Variants in ZFYVE21 observed in about 807,000 individuals in gnomAD.
ZFYVE21 encodes the protein zinc finger FYVE domain-containing protein 21.
In ZFYVE21, 21 loss-of-function variants were observed where a neutral mutation model predicts 29.5. The observed-to-expected ratio is 0.71, with a 90% CI of 0.50 to 1.02. ZFYVE21 has a LOEUF of 1.02. Among genes scored for constraint, ZFYVE21 ranks in the 50% least tolerant of loss-of-function variants. ZFYVE21 has a pLI of 0.00. For synonymous variants in ZFYVE21, 151 were observed against 133.8 expected (o/e 1.13, Z -0.89); for missense variants, 326 against 335.4 (o/e 0.97, Z 0.22).
chr14:103,729,533 A>T, intron 5 of ZFYVE21: 1 of 585,584 alleles, frequency 1.7e-6, no homozygotes, highest in Non-Finnish European at 3.0e-6. Flanking sequence ...AAAGGTCTGA[A>T]TGGTGGCTCA....
At position 103,727,836 on chromosome 14, in the gene ZFYVE21, C is replaced by A. The variant is rs2083942512; in HGVS notation, c.280C>A (p.Arg94=). The change falls in exon 3 of 7, where the codon CGG becomes AGG. Residue 94 remains arginine, a synonymous_variant. Transcript: ENST00000311141. ...LRRMCFVDPV[R]QCAECALVSL... is the part of the protein sequence containing the mutation. Reference sequence around the variant, plus strand: ...GCGCATGTGCTTTGTGGACCCCGTGCGGCAGTGCGCGGAGTGCGCCCTCGT... The same window carrying A: ...GCGCATGTGCTTTGTGGACCCCGTGAGGCAGTGCGCGGAGTGCGCCCTCGT... 1 of 1,613,150 alleles carries A rather than the reference C, an allele frequency of 6.2e-7. No individual in the cohort carries two copies. The highest frequency in any genetic ancestry group is 1.7e-5 in the Admixed American group (1 of 60,020).
At chr14:103,730,533 C>G (rs1595693008) in intron 5 of ZFYVE21, 1 of 152,682 alleles carries the variant, frequency 6.5e-6, no homozygotes, top group Admixed American at 6.5e-5. Flanking sequence ...ACACAGCCTC[C>G]CGGACTGCTC....
intron 1 of ZFYVE21, among the ~76,000 whole-genome samples, chr14:103,721,369 C>T (rs1049691752): frequency 6.6e-6 from 1 of 152,244 alleles, no homozygotes; most frequent in African/African-American, 2.4e-5. Context: ...TCCTCGCTCC[C>T]TCTTGGCCCC....
At chr14:103,730,789 T>G (rs1037837600) in intron 5 of ZFYVE21, 1 of 152,296 alleles carries the variant, frequency 6.6e-6, no homozygotes, top group Non-Finnish European at 1.5e-5. Flanking sequence ...TAGTAAACCT[T>G]TGCCAGCCAC....
At chr14:103,722,960 T>C (rs2083886547) in intron 1 of ZFYVE21, among the ~76,000 whole-genome samples, 1 of 152,208 alleles carries the variant, frequency 6.6e-6, no homozygotes, top group Non-Finnish European at 1.5e-5. Flanking sequence ...TGTGGTGTTA[T>C]ATTTAGAAAT....
chr14:103,731,909 A>G (rs376171014), intron 5 of ZFYVE21: 23 of 152,316 alleles, frequency 1.5e-4, no homozygotes, highest in African/African-American at 5.1e-4. Context: ...TCAGCAGTGT[A>G]TTGTTGGAGC....
intron 5 of ZFYVE21, chr14:103,729,892 C>T (rs950136655): frequency 5.2e-6 from 8 of 1,530,652 alleles, no homozygotes; most frequent in Admixed American, 2.0e-5. Context: ...GCAGCGGGCC[C>T]GTTCCTCCCC....
chr14:103,727,820 C>T lies in ZFYVE21; in HGVS notation c.264C>T (p.Cys88=). 1.2e-6 allele frequency: 2 copies of T among 1,613,152 alleles called. No homozygotes were observed. Among genetic ancestry groups the T allele is most frequent in the Non-Finnish European group, 1.7e-6 (2 of 1,179,940 alleles). ...AGAAGGTGCCGCTGCGGCGCATGTG[C>T]TTTGTGGACCCCGTGCGGCAGTGCG... ...CSQKVPLRRM[C]FVDPVRQCAE... is the part of the protein sequence containing the mutation. Residue 88 remains cysteine, a synonymous_variant, in exon 3 of 7, where the codon TGC becomes TGT. Coordinates refer to ENST00000311141, the MANE Select transcript of ZFYVE21 (RefSeq NM_024071.4).
intron 1 of ZFYVE21, chr14:103,726,517 C>T (rs956973557): frequency 2.6e-5 from 11 of 426,172 alleles, no homozygotes; most frequent in African/African-American, 1.0e-4. Context: ...TGCTCTGCTG[C>T]GAGACAGTCA....
chr14:103,732,952 C>T, intron 6 of ZFYVE21, 31 bp from the exon 7 acceptor site: 1 of 1,614,118 alleles, frequency 6.2e-7, no homozygotes, highest in South Asian at 1.1e-5. Flanking sequence ...ACCAAGCAGG[C>T]CTCACTGTGT....
chr14:103,723,819 G>C (rs940545491), intron 1 of ZFYVE21, among the ~76,000 whole-genome samples: 1 of 152,218 alleles, frequency 6.6e-6, no homozygotes, highest in Non-Finnish European at 1.5e-5. Flanking sequence ...GACTGTCTCC[G>C]AGCCCCCTGT....
intron 1 of ZFYVE21, among the ~76,000 whole-genome samples, chr14:103,721,344 A>G (rs2083870625): frequency 6.6e-6 from 1 of 152,210 alleles, no homozygotes; most frequent in African/African-American, 2.4e-5. Context: ...AGCCGTCTGC[A>G]TGCACCTGCC....
In ZFYVE21 at chr14:103,723,839, G is replaced by C. The variant is rs529390370; in HGVS notation, c.139-2953G>C. 2.2e-3 allele frequency among the ~76,000 whole-genome samples: 341 copies of C among 152,354 alleles called. 1 individual carries two copies. The highest frequency in any genetic ancestry group is 3.7e-3 in the Non-Finnish European group (250 of 68,022). On this transcript the variant is annotated intron_variant, in intron 1 of 6. Transcript: ENST00000311141. Reference sequence around the variant, plus strand: ...TCTCCGAGCCCCCTGTGGAGGGGCTGCAGGCTTCCTGTGCTGCCTGTGTGG... The same window carrying C: ...TCTCCGAGCCCCCTGTGGAGGGGCTCCAGGCTTCCTGTGCTGCCTGTGTGG...
In ZFYVE21 at chr14:103,724,186, C is replaced by A. The variant is rs375585534; in HGVS notation, c.139-2606C>A. On this transcript the variant is annotated intron_variant, in intron 1 of 6. Transcript: ENST00000311141. ...GGATTGGGCGGCCGCGCGGTCCCCA[C>A]CCCAGCTCAGACCCAGGGGCCTGTG... Among the ~76,000 whole-genome samples, 36 of 152,364 alleles carry A rather than the reference C, an allele frequency of 2.4e-4. No individual in the cohort carries two copies. In the East Asian group the frequency reaches 6.0e-3, roughly 25 times the overall value.
At chr14:103,719,986 T>C (rs2083859756) in intron 1 of ZFYVE21, among the ~76,000 whole-genome samples, 1 of 152,166 alleles carries the variant, frequency 6.6e-6, no homozygotes, top group Non-Finnish European at 1.5e-5. Context: ...GTGATCATAG[T>C]GTCTGCACCT....
Position 103,716,166 on chromosome 14 carries a change from C to G in ZFYVE21, c.138+187C>G, listed in dbSNP as rs1046435152. On this transcript the variant is annotated intron_variant, in intron 1 of 6. Transcript: ENST00000311141. This position sits in a 1 kb window ranked among gnomAD's most constrained non-coding sequence, Gnocchi z 4.8. ...CCGCCGCCTCAGGCTCCTACGCCCG[C>G]GGGGAGGGCGGGAGGCGCGCGGTGT... Among the ~76,000 whole-genome samples the G allele has an allele frequency of 1.3e-5, 2 of 151,552 alleles. No homozygotes were observed. The highest frequency in any genetic ancestry group is 2.9e-5 in the Non-Finnish European group (2 of 67,856).
intron 3 of ZFYVE21, 108 bp from the exon 4 acceptor site, chr14:103,728,800 C>A: frequency 9.4e-7 from 1 of 1,059,750 alleles, no homozygotes; most frequent in Non-Finnish European, 1.4e-6. Context: ...TTGTTTCTTG[C>A]TGTTTTTACT....
At chr14:103,719,812 G>T (rs2083858772) in intron 1 of ZFYVE21, among the ~76,000 whole-genome samples, 1 of 151,864 alleles carries the variant, frequency 6.6e-6, no homozygotes, top group East Asian at 1.9e-4. Flanking sequence ...GGTCCCTGTG[G>T]CTGGCTAAGA....
intron 1 of ZFYVE21, among the ~76,000 whole-genome samples, chr14:103,720,586 C>T (rs1309293439): frequency 4.6e-5 from 7 of 152,080 alleles, no homozygotes; most frequent in African/African-American, 1.7e-4. Context: ...TTTGAACATC[C>T]ATTTAAACTC....
Sources: gnomAD v4.1 joint callset for allele counts (sites outside exome capture counted in the v4.1 genomes callset) on GRCh38, gnomAD v4.1.1 for gene constraint, Gnocchi (gnomAD v3.1) non-coding constraint, MANE v1.5 for transcripts, NCBI Gene and HGNC (gene_info 2026-07-23, HGNC 2026-07-21) for gene names.